The following UBR3 variants were observed in gnomAD, a reference collection of about 807,000 sequenced individuals.
UBR3 encodes ubiquitin protein ligase E3 component n-recognin 3, also known as E3 ubiquitin-protein ligase UBR3.
A neutral mutation model predicts 243.2 loss-of-function variants in UBR3; 85 were observed. The ratio of observed to expected loss-of-function variants is 0.35; its 90% CI spans 0.29 to 0.42. The LOEUF (loss-of-function observed/expected upper bound fraction) is 0.42. UBR3 is among the 10% of genes least tolerant of loss of function. UBR3 has a pLI of 1.00. For synonymous variants in UBR3, 748 were observed against 799.8 expected, an observed-to-expected ratio of 0.94 and a Z score of 1.09; for missense variants, 1,686 against 2,300.8, an observed-to-expected ratio of 0.73 and a Z score of 5.47.
rs1374283474 is a variant in UBR3 at position 169,986,876 on chromosome 2, A to G, written c.3784+82A>G. On this transcript the variant is annotated intron_variant, in intron 25 of 38. Coordinates refer to ENST00000272793, the MANE Select transcript of UBR3 (RefSeq NM_172070.4). ...GATTAATAAATATCTGTATTAAATGAAAATTATATCTTTGTCTACTTATAA... is the reference window on the plus strand; with the variant it reads ...GATTAATAAATATCTGTATTAAATGGAAATTATATCTTTGTCTACTTATAA... The G allele has an allele frequency of 7.0e-6, 10 of 1,427,378 alleles. No homozygotes were observed. The East Asian group carries it at 2.2e-4, about 31-fold the overall frequency. The allele number at this position is 1,427,378 out of a possible 1,614,324, so 88.4% of individuals were successfully genotyped here.
At chr2:170,012,314 T>C (rs1261108454) in intron 29 of UBR3, among the ~76,000 whole-genome samples, 1 of 152,174 alleles carries the variant, frequency 6.6e-6, no homozygotes, top group Non-Finnish European at 1.5e-5. Context: ...GAGAATCTTA[T>C]AATTGGTTAC....
chr2:169,927,739 C>A (rs1052556840), intron 17 of UBR3, among the ~76,000 whole-genome samples: 3 of 152,078 alleles, frequency 2.0e-5, no homozygotes, highest in African/African-American at 7.2e-5. Flanking sequence ...TCCATTTTGT[C>A]TGTGTAGCCA....
At chr2:169,909,899 A>T (rs75203796) in intron 10 of UBR3, among the ~76,000 whole-genome samples, 6,231 of 152,246 alleles carry the variant, frequency 0.041, 180 homozygotes, top group East Asian at 0.11. Flanking sequence ...TATTTTGGAT[A>T]TTCAAGATGT....
At chr2:170,019,842 C>G (rs535020755) in intron 30 of UBR3, among the ~76,000 whole-genome samples, 2 of 152,174 alleles carry the variant, frequency 1.3e-5, no homozygotes, top group Admixed American at 6.5e-5. Flanking sequence ...GTGGCACAAT[C>G]ATAGTTCACT....
At chr2:170,027,983 A>G (rs1275912741) in intron 30 of UBR3, among the ~76,000 whole-genome samples, 1 of 151,888 alleles carries the variant, frequency 6.6e-6, no homozygotes, top group Admixed American at 6.6e-5. Flanking sequence ...ATTAATTGAG[A>G]TTATCAATCA....
chr2:169,908,465 A>C (rs1441426946), intron 10 of UBR3, among the ~76,000 whole-genome samples: 1 of 152,210 alleles, frequency 6.6e-6, no homozygotes, highest in Non-Finnish European at 1.5e-5. Flanking sequence ...CTGTCATATA[A>C]TATGAGGTTT....
chr2:169,877,904 G>C (rs550915674), intron 4 of UBR3, among the ~76,000 whole-genome samples: 1 of 152,152 alleles, frequency 6.6e-6, no homozygotes, highest in Non-Finnish European at 1.5e-5. Context: ...TGCTATTCAA[G>C]AGTAGCCCAA....
intron 11 of UBR3, among the ~76,000 whole-genome samples, chr2:169,919,646 A>G (rs899994028): frequency 6.6e-6 from 1 of 152,202 alleles, no homozygotes; most frequent in African/African-American, 2.4e-5. Flanking sequence ...AAAAGTGGGC[A>G]AAGGATATGA....
In UBR3 at chr2:170,081,925, G is replaced by C; in HGVS notation, c.*82G>C. ...CAATAAGCTTTAACTTAATTTGGGG[G>C]ATTAACACTTTTGCTGAGGGAGAAA... On this transcript the variant is annotated 3_prime_UTR_variant, in exon 39 of 39. Transcript: ENST00000272793. The C allele has an allele frequency of 1.0e-6, 1 of 1,004,918 alleles. No individual in the cohort carries two copies. The highest frequency in any genetic ancestry group is 1.4e-6 in the Non-Finnish European group (1 of 717,282). The allele number at this position is 1,004,918 out of a possible 1,614,324, so 62.3% of individuals were successfully genotyped here. A position where few individuals can be genotyped will look rare whatever the true frequency, so the allele number is the denominator to read the frequency against.
intron 6 of UBR3, among the ~76,000 whole-genome samples, chr2:169,893,736 A>AT (rs894566957): frequency 5.9e-5 from 9 of 151,358 alleles, no homozygotes; most frequent in East Asian, 3.9e-4. Context: ...TGATTTTCGT[A>AT]TTTTTTTTAG....
chr2:169,942,877 A>G (rs2086644295), intron 20 of UBR3, among the ~76,000 whole-genome samples: 1 of 152,222 alleles, frequency 6.6e-6, no homozygotes, highest in Admixed American at 6.5e-5. Context: ...GTATTTATTT[A>G]TGGATTCTGT....
chr2:170,029,197 G>C, intron 30 of UBR3, 149 bp from the exon 31 acceptor site: 1 of 597,654 alleles, frequency 1.7e-6, no homozygotes, highest in Non-Finnish European at 2.9e-6. Flanking sequence ...ATAAAAGAGA[G>C]TGTGAAGTAA....
chr2:169,953,101 T>C (rs2087112484), intron 23 of UBR3, among the ~76,000 whole-genome samples: 1 of 152,182 alleles, frequency 6.6e-6, no homozygotes, highest in Non-Finnish European at 1.5e-5. Flanking sequence ...CTGGAGGACA[T>C]AGTTTAGATG....
At chr2:169,895,433 T>C (rs927040959) in intron 7 of UBR3, 122 bp downstream of exon 7, 5 of 1,100,430 alleles carry the variant, frequency 4.5e-6, no homozygotes, top group Non-Finnish European at 5.0e-6. Flanking sequence ...CAAGTGTTAG[T>C]TTCTTCTCTT....
At chr2:169,901,163 A>G (rs778035622) in intron 8 of UBR3, among the ~76,000 whole-genome samples, 1 of 152,092 alleles carries the variant, frequency 6.6e-6, no homozygotes, top group Non-Finnish European at 1.5e-5. Flanking sequence ...TCTGCTTTTC[A>G]CACTTTTCCC....
intron 1 of UBR3, among the ~76,000 whole-genome samples, chr2:169,851,847 A>C (rs907034720): frequency 4.6e-5 from 7 of 152,054 alleles, no homozygotes; most frequent in African/African-American, 7.2e-5. Flanking sequence ...AAAAAAAAAA[A>C]AAAAAAACAA....
At chr2:169,960,497 T>C (rs914910388) in intron 24 of UBR3, among the ~76,000 whole-genome samples, 1 of 152,108 alleles carries the variant, frequency 6.6e-6, no homozygotes, top group Non-Finnish European at 1.5e-5. Context: ...CTTTATCATA[T>C]GAAAGAAGAG....
At chr2:169,879,801 T>C (rs1408445381) in intron 5 of UBR3, among the ~76,000 whole-genome samples, 5 of 152,212 alleles carry the variant, frequency 3.3e-5, no homozygotes, top group African/African-American at 1.2e-4. Flanking sequence ...AGCTTATAAA[T>C]TTTGCTTCTG....
intron 29 of UBR3, among the ~76,000 whole-genome samples, chr2:170,012,524 G>C (rs2090115273): frequency 6.6e-6 from 1 of 152,128 alleles, no homozygotes; most frequent in Non-Finnish European, 1.5e-5. Flanking sequence ...TATAGAGAAA[G>C]CACTGTAGAA....
Sources: allele counts gnomAD v4.1 joint callset (sites outside exome capture counted in the v4.1 genomes callset), GRCh38; gene constraint gnomAD v4.1.1; transcripts MANE v1.5; gene names NCBI Gene and HGNC (gene_info 2026-07-23, HGNC 2026-07-21).